Variants in UGT3A1 observed in about 807,000 individuals in gnomAD.
UGT3A1 encodes UDP-glycosyltransferase 3A1.
A neutral mutation model predicts 37.6 loss-of-function variants in UGT3A1; 40 were observed. The observed-to-expected ratio is 1.06, with a 90% CI of 0.83 to 1.38. The LOEUF is 1.38. Among genes scored for constraint, UGT3A1 ranks in the 40% most tolerant of loss-of-function variants. The probability of loss-of-function intolerance (pLI) is 0.00; values close to 1 mark genes in which losing one functional copy is unlikely to be tolerated. For synonymous variants in UGT3A1, 256 were observed against 232.3 expected (o/e 1.10, Z -0.93); for missense variants, 642 against 634.2 (o/e 1.01, Z -0.13).
chr5:35,977,059 GAA>G (rs1740310674), intron 2 of UGT3A1, among the ~76,000 whole-genome samples: 1 of 138,522 alleles, frequency 7.2e-6, no homozygotes, highest in African/African-American at 2.7e-5. Context: ...AAAGAGAAGA[GAA>G]AGAGAAAGAA....
chr5:35,955,496 G>C, intron 6 of UGT3A1, 149 bp downstream of exon 6: 1 of 899,968 alleles, frequency 1.1e-6, no homozygotes, highest in South Asian at 1.6e-5. Context: ...AGACTTACCA[G>C]AGAAAACAGG....
intron 2 of UGT3A1, among the ~76,000 whole-genome samples, chr5:35,986,822 A>G (rs905493150): frequency 5.3e-5 from 8 of 152,142 alleles, no homozygotes; most frequent in Admixed American, 5.2e-4. Flanking sequence ...CTAGAAGAGA[A>G]TAGTTTGAAT....
chr5:35,959,447 A>G (rs1739489899), intron 4 of UGT3A1, among the ~76,000 whole-genome samples: 2 of 152,208 alleles, frequency 1.3e-5, no homozygotes, highest in South Asian at 4.1e-4. Flanking sequence ...ATGGGAAAAA[A>G]ACTAAAGTAA....
chr5:35,977,354 A>T (rs1740330659), intron 2 of UGT3A1, among the ~76,000 whole-genome samples: 1 of 152,202 alleles, frequency 6.6e-6, no homozygotes, highest in Non-Finnish European at 1.5e-5. Context: ...TCTTTAAATA[A>T]TAATTGATAT....
upstream of UGT3A1, among the ~76,000 whole-genome samples, chr5:35,996,038 A>T (rs75351643): frequency 2.7e-5 from 4 of 150,800 alleles, no homozygotes; most frequent in Non-Finnish European, 5.9e-5. Context: ...AAAAAAAAAA[A>T]GGAGAAATAG....
chr5:35,995,968 A>T (rs948967873), upstream of UGT3A1, among the ~76,000 whole-genome samples: 6 of 151,848 alleles, frequency 4.0e-5, no homozygotes, highest in African/African-American at 1.5e-4. Context: ...AAATTGGGCC[A>T]TGACTAGACT....
In UGT3A1 at chr5:35,954,353, T is replaced by G. The variant is rs1230105131; in HGVS notation, c.1421A>C (p.Tyr474Ser). ...QTGGATHLKP[Y>S]AFQQPWHEQY... Reference sequence around the variant, plus strand: ...CTCATGCCAAGGCTGCTGGAAGGCATAGGGCTTGAGGTGCGTCGCTCCCCC... The same window carrying G: ...CTCATGCCAAGGCTGCTGGAAGGCAGAGGGCTTGAGGTGCGTCGCTCCCCC... Residue 474 changes from tyrosine to serine, a missense_variant, in exon 7 of 7, where the codon TAT becomes TCT. Tyr to Ser is a moderately radical substitution (Grantham distance 144). Coordinates refer to ENST00000274278, the MANE Select transcript of UGT3A1 (RefSeq NM_152404.4). The G allele has an allele frequency of 1.2e-6, 2 of 1,614,020 alleles. No individual in the cohort carries two copies. The highest frequency in any genetic ancestry group is 1.7e-6 in the Non-Finnish European group (2 of 1,180,026).
At chr5:35,957,829 G>A (rs1288902464) in intron 4 of UGT3A1, among the ~76,000 whole-genome samples, 1 of 152,214 alleles carries the variant, frequency 6.6e-6, no homozygotes. Context: ...CATTTGAGAA[G>A]AAGGTGTAGT....
chr5:35,994,728 C>T (rs1312567388), upstream of UGT3A1, among the ~76,000 whole-genome samples: 1 of 152,148 alleles, frequency 6.6e-6, no homozygotes, highest in African/African-American at 2.4e-5. Context: ...AAAGCTAGGT[C>T]TGCAAGCAGC....
intron 4 of UGT3A1, chr5:35,961,636 T>C (rs1374151797): frequency 1.3e-5 from 2 of 152,220 alleles, no homozygotes; most frequent in Non-Finnish European, 2.9e-5. Flanking sequence ...CTGGGGTTTA[T>C]GGGCTTGCAT....
chr5:35,974,675 A>C (rs1740189932), intron 2 of UGT3A1, among the ~76,000 whole-genome samples: 1 of 152,208 alleles, frequency 6.6e-6, no homozygotes, highest in African/African-American at 2.4e-5. Flanking sequence ...TGCTTGAGCA[A>C]ATTAGCACAA....
chr5:35,981,130 T>C (rs1443997520), intron 2 of UGT3A1, among the ~76,000 whole-genome samples: 1 of 152,098 alleles, frequency 6.6e-6, no homozygotes, highest in South Asian at 2.1e-4. Context: ...GAGAAAAGTA[T>C]ACCAGGTAGA....
chr5:35,990,344 A>T (rs975893604), intron 1 of UGT3A1, among the ~76,000 whole-genome samples: 3 of 152,100 alleles, frequency 2.0e-5, no homozygotes, highest in African/African-American at 7.2e-5. Context: ...CGTGATCTAA[A>T]AGGAATCCTT....
chr5:35,999,705 G>A (rs955978267), intron 1 of UGT3A1, among the ~76,000 whole-genome samples: 1 of 152,180 alleles, frequency 6.6e-6, no homozygotes, highest in Non-Finnish European at 1.5e-5. Context: ...TACTCTTGAT[G>A]TGACATTTGT....
At chr5:35,976,885 A>C (rs1479582326) in intron 2 of UGT3A1, among the ~76,000 whole-genome samples, 1 of 75,546 alleles carries the variant, frequency 1.3e-5, no homozygotes, top group Admixed American at 1.4e-4. Context: ...GGGAGAGAGG[A>C]AGGGAAGGAA....
At chr5:35,994,034 T>A (rs1352365863), upstream of UGT3A1, among the ~76,000 whole-genome samples, 1 of 152,126 alleles carries the variant, frequency 6.6e-6, no homozygotes, top group East Asian at 1.9e-4. Context: ...TATTTGCTGT[T>A]TAAAAAAAAA....
At chr5:35,992,364 T>TCA (rs146558910), upstream of UGT3A1, among the ~76,000 whole-genome samples, 12 of 150,060 alleles carry the variant, frequency 8.0e-5, no homozygotes, top group South Asian at 4.3e-4. Context: ...ACACATACAC[T>TCA]CACACACACA....
chr5:35,981,464 T>C (rs527555609), intron 2 of UGT3A1, among the ~76,000 whole-genome samples: 1 of 152,302 alleles, frequency 6.6e-6, no homozygotes, highest in East Asian at 1.9e-4. Flanking sequence ...TCACTCTTTC[T>C]ATGCTTTAGC....
intron 4 of UGT3A1, chr5:35,962,781 G>GA: frequency 1.5e-6 from 1 of 666,464 alleles, no homozygotes; most frequent in Non-Finnish European, 2.7e-6. Context: ...CGAGGGCTAG[G>GA]AGGTGTTTTT....
Sources: gnomAD v4.1 joint callset for allele counts (sites outside exome capture counted in the v4.1 genomes callset) on GRCh38, gnomAD v4.1.1 for gene constraint, MANE v1.5 for transcripts, NCBI Gene and HGNC (gene_info 2026-07-23, HGNC 2026-07-21) for gene names.